The following SOSTDC1 variants were observed in gnomAD, a reference collection of about 807,000 sequenced individuals.
SOSTDC1 encodes sclerostin domain containing 1, also known as sclerostin domain-containing protein 1.
SOSTDC1 carries 7 observed loss-of-function variants against 15.1 expected under a neutral mutation model. That is an observed-to-expected ratio of 0.46 (90% confidence interval 0.26 to 0.87). The LOEUF (loss-of-function observed/expected upper bound fraction) is 0.87. SOSTDC1 is among the 40% of genes least tolerant of loss of function. The probability of loss-of-function intolerance (pLI) is 0.15; values close to 1 mark genes in which losing one functional copy is unlikely to be tolerated. For synonymous variants in SOSTDC1, 94 were observed against 93.2 expected, an observed-to-expected ratio of 1.01 and a Z score of -0.05; for missense variants, 242 against 259.2, an observed-to-expected ratio of 0.93 and a Z score of 0.46.
chr7:16,462,863 G>T lies in SOSTDC1; in HGVS notation c.306C>A (p.Gly102=), dbSNP rs774587219. The T allele has an allele frequency of 6.2e-7, 1 of 1,613,976 alleles. No homozygotes were observed. The highest frequency in any genetic ancestry group is 8.5e-7 in the Non-Finnish European group (1 of 1,180,028). ...GGAGCACTGGCAGGGGCAAGCACTC[G>T]CCAGCACACACCAGCTCCTTCAGAG... The part of the protein sequence containing the change: ...ISPLKELVCA[G]ECLPLPVLPN... Residue 102 remains glycine, a synonymous_variant, in exon 2 of 2, where the codon GGC becomes GGA. Coordinates refer to ENST00000307068, the MANE Select transcript of SOSTDC1 (RefSeq NM_015464.3).
Position 16,462,705 on chromosome 7 carries a change from T to C in SOSTDC1, c.464A>G (p.Tyr155Cys), listed in dbSNP as rs1562709993. The change falls in exon 2 of 2, where the codon TAC becomes TGC. Residue 155 changes from tyrosine (Y) to cysteine (C), a missense_variant. Tyr to Cys is a radical substitution (Grantham distance 194). Coordinates refer to ENST00000307068, the MANE Select transcript of SOSTDC1 (RefSeq NM_015464.3). ...LQCQDGSTRTYKITVVTACKC... is the reference protein window; with the variant it reads ...LQCQDGSTRTCKITVVTACKC... ...GCAGGCAGTGACTACTGTGATTTTGTAGGTGCGTGTGCTGCCATCTTGGCA... is the reference window on the plus strand; with the variant it reads ...GCAGGCAGTGACTACTGTGATTTTGCAGGTGCGTGTGCTGCCATCTTGGCA... 6.2e-7 allele frequency: 1 copy of C among 1,614,214 alleles called. No homozygotes were observed. The highest frequency in any genetic ancestry group is 8.5e-7 in the Non-Finnish European group (1 of 1,180,030).
intron 1 of SOSTDC1, 117 bp downstream of exon 1, chr7:16,465,347 A>G: frequency 2.3e-6 from 2 of 879,366 alleles, no homozygotes; most frequent in South Asian, 1.6e-5. Context: ...TTACTCCCAA[A>G]TTGTTTCACA....
chr7:16,462,967 C>A lies in SOSTDC1; in HGVS notation c.206-4G>T. 1 of 1,526,946 alleles carries A rather than the reference C, an allele frequency of 6.5e-7. No individual in the cohort carries two copies. Among genetic ancestry groups the A allele is most frequent in the South Asian group, 1.3e-5 (1 of 77,898 alleles). The allele number at this position is 1,526,946 out of a possible 1,614,324, so 94.6% of individuals were successfully genotyped here. The stretch of plus-strand genomic sequence containing the variant: ...CGGCAACCCACTTGAACCCGAGCTG[C>A]AGGAAACAAAAAAGAATGTGCATCA... On this transcript the variant is annotated splice_polypyrimidine_tract_variant and splice_region_variant and intron_variant, in intron 1 of 1. Coordinates refer to ENST00000307068, the MANE Select transcript of SOSTDC1 (RefSeq NM_015464.3).
intron 1 of SOSTDC1, among the ~76,000 whole-genome samples, chr7:16,464,809 C>T (rs1583610158): frequency 6.6e-6 from 1 of 152,068 alleles, no homozygotes; most frequent in Admixed American, 6.6e-5. Context: ...TCTTAAGTTA[C>T]AAAAATGTCC....
rs1781239962 is a variant in SOSTDC1 at position 16,463,136 on chromosome 7, A to C, written c.206-173T>G. Among the ~76,000 whole-genome samples the C allele has an allele frequency of 6.6e-5, 10 of 152,196 alleles. No homozygotes were observed. In the South Asian group the frequency reaches 2.1e-3, roughly 31 times the overall value. On this transcript the variant is annotated intron_variant, in intron 1 of 1. Coordinates refer to ENST00000307068, the MANE Select transcript of SOSTDC1 (RefSeq NM_015464.3). ...AAATCTGTCTGGATAGTATAGGGAC[A>C]CTTTCATGAAAATCATCAGTTTACA...
rs1336412693 is a variant in SOSTDC1 at position 16,462,798 on chromosome 7, C to G, written c.371G>C (p.Ser124Thr). The G allele has an allele frequency of 6.2e-7, 1 of 1,614,094 alleles. No individual in the cohort carries two copies. Among genetic ancestry groups the G allele is most frequent in the Non-Finnish European group, 8.5e-7 (1 of 1,180,042 alleles). The stretch of plus-strand genomic sequence containing the variant: ...CCGCCACTCCTGGGAGCTCCTCCTG[C>G]TCCAGTACTTTGTTCCATAGCCTCC... ...IGGGYGTKYW[S>T]RRSSQEWRCV... The change falls in exon 2 of 2, where the codon AGC (serine) becomes ACC (threonine). Residue 124 changes from serine (S) to threonine (T), a missense_variant. Transcript: ENST00000307068.
chr7:16,463,106 G>A, intron 1 of SOSTDC1, 143 bp from the exon 2 acceptor site: 1 of 804,332 alleles, frequency 1.2e-6, no homozygotes, highest in African/African-American at 1.7e-5. Context: ...TTTTCACAGT[G>A]AAAAAAATCT....
intron 1 of SOSTDC1, chr7:16,464,330 C>G (rs1781259974): frequency 6.5e-7 from 1 of 1,550,226 alleles, no homozygotes; most frequent in African/African-American, 1.4e-5. Flanking sequence ...CTGCAGCTGC[C>G]TCAGGAATGC....
intron 1 of SOSTDC1, 43 bp downstream of exon 1, chr7:16,465,421 C>T: frequency 6.7e-7 from 1 of 1,501,396 alleles, no homozygotes; most frequent in Non-Finnish European, 9.1e-7. Flanking sequence ...GCTAATGCTA[C>T]CAGAAAAGAA....
At chr7:16,463,181 A>G (rs1051975846) in intron 1 of SOSTDC1, among the ~76,000 whole-genome samples, 5 of 151,960 alleles carry the variant, frequency 3.3e-5, no homozygotes, top group Admixed American at 1.3e-4. Context: ...CTTTTTTGGG[A>G]AAAAAAATGT....
rs763901465 is a variant in SOSTDC1, at chr7:16,464,289, G to T, written c.205+1175C>A. On this transcript the variant is annotated intron_variant, in intron 1 of 1. Coordinates refer to ENST00000307068, the MANE Select transcript of SOSTDC1 (RefSeq NM_015464.3). Reference sequence around the variant, plus strand: ...ATTGTTTGGTTGGACAGTGTGCTCAGCGTGCCTGATTCTGCCTCCAGCTCA... The same window carrying T: ...ATTGTTTGGTTGGACAGTGTGCTCATCGTGCCTGATTCTGCCTCCAGCTCA... 9 of 1,499,394 alleles carry T rather than the reference G, an allele frequency of 6.0e-6. No homozygotes were observed. In the South Asian group the frequency reaches 8.4e-5, roughly 14 times the overall value. 92.9% of individuals were successfully genotyped at this position (1,499,394 alleles called of 1,614,324 possible).
chr7:16,462,304 T>C lies in SOSTDC1; in HGVS notation c.*244A>G. On this transcript the variant is annotated 3_prime_UTR_variant, in exon 2 of 2. Coordinates refer to ENST00000307068, the MANE Select transcript of SOSTDC1 (RefSeq NM_015464.3). ...TTTAAGAACAATGAGGAATTAAAAC[T>C]ACAGGATACGTGGAATTTAAATGCA... The C allele has an allele frequency of 4.2e-6, 2 of 478,884 alleles. No homozygotes were observed. Among genetic ancestry groups the C allele is most frequent in the Non-Finnish European group, 7.5e-6 (2 of 267,192 alleles). The allele number at this position is 478,884 out of a possible 1,614,324, so 29.7% of individuals were successfully genotyped here.
rs1781233289 is a variant in SOSTDC1, at chr7:16,462,775, G to A, written c.394C>T (p.Arg132Trp). ...GTACGGGTTTTGTCATTGACACACC[G>A]CCACTCCTGGGAGCTCCTCCTGCTC... ...YWSRRSSQEWRCVNDKTRTQR... is the reference protein window; with the variant it reads ...YWSRRSSQEWWCVNDKTRTQR... The change falls in exon 2 of 2, where the codon CGG becomes TGG. Residue 132 changes from arginine to tryptophan, a missense_variant. Coordinates refer to ENST00000307068, the MANE Select transcript of SOSTDC1 (RefSeq NM_015464.3). 3 of 1,614,008 alleles carry A rather than the reference G, an allele frequency of 1.9e-6. No individual in the cohort carries two copies. The highest frequency in any genetic ancestry group is 2.5e-6 in the Non-Finnish European group (3 of 1,180,000).
At position 16,465,675 on chromosome 7, in the gene SOSTDC1, T is replaced by C. The variant is rs1781292735; in HGVS notation, c.-7A>G. ...GAATGGCAGGAGGAAGCATGGTGAG[T>C]AGAGGATTTGCTTGACTGAAGAGCT... On this transcript the variant is annotated 5_prime_UTR_variant, in exon 1 of 2. Transcript: ENST00000307068. The C allele has an allele frequency of 1.2e-6, 2 of 1,612,662 alleles. No homozygotes were observed. The highest frequency in any genetic ancestry group is 1.3e-5 in the African/African-American group (1 of 74,824).
At chr7:16,463,547 T>C (rs1348399363) in intron 1 of SOSTDC1, among the ~76,000 whole-genome samples, 2 of 152,222 alleles carry the variant, frequency 1.3e-5, no homozygotes, top group South Asian at 2.1e-4. Flanking sequence ...ATTTTGCATA[T>C]CAAACTTAAT....
chr7:16,465,167 G>A (rs1214186120), intron 1 of SOSTDC1, among the ~76,000 whole-genome samples: 1 of 152,014 alleles, frequency 6.6e-6, no homozygotes, highest in Non-Finnish European at 1.5e-5. Context: ...TTTTTAAAAT[G>A]GTCATTTTGC....
Position 16,462,118 on chromosome 7 carries a change from G to A in SOSTDC1, c.*430C>T, listed in dbSNP as rs1444291822. ...AAGAGTACCAAAAAAGCACCTTTCT[G>A]AAATGTTACTGTGAAGATTCATGAC... On this transcript the variant is annotated 3_prime_UTR_variant, in exon 2 of 2. Coordinates refer to ENST00000307068, the MANE Select transcript of SOSTDC1 (RefSeq NM_015464.3). 1 of 162,560 alleles carries A rather than the reference G, an allele frequency of 6.2e-6. No homozygotes were observed. The highest frequency in any genetic ancestry group is 1.7e-4 in the East Asian group (1 of 5,866). 10.1% of individuals were successfully genotyped at this position (162,560 alleles called of 1,614,324 possible). A position where few individuals can be genotyped will look rare whatever the true frequency, so the allele number is the denominator to read the frequency against.
At chr7:16,464,591 G>A (rs550083270) in intron 1 of SOSTDC1, among the ~76,000 whole-genome samples, 8 of 152,166 alleles carry the variant, frequency 5.3e-5, no homozygotes, top group East Asian at 1.9e-4. Flanking sequence ...ACTACTTTTC[G>A]TAGTTGAATG....
rs1050699913 is a variant in SOSTDC1 at position 16,462,034 on chromosome 7, C to T, written c.*514G>A. On this transcript the variant is annotated 3_prime_UTR_variant, in exon 2 of 2. Transcript: ENST00000307068. The stretch of plus-strand genomic sequence containing the variant: ...GGCTTATTTTTGAAGTGAAATGTCA[C>T]AGGGTCTTTCATTCTCTTTCAAAGG... The T allele has an allele frequency of 6.5e-6, 1 of 154,184 alleles. No individual in the cohort carries two copies. Among genetic ancestry groups the T allele is most frequent in the Non-Finnish European group, 1.4e-5 (1 of 69,096 alleles). 9.6% of individuals were successfully genotyped at this position (154,184 alleles called of 1,614,324 possible).
Sources: gnomAD v4.1 joint callset for allele counts (sites outside exome capture counted in the v4.1 genomes callset) on GRCh38, gnomAD v4.1.1 for gene constraint, MANE v1.5 for transcripts, NCBI Gene and HGNC (gene_info 2026-07-23, HGNC 2026-07-21) for gene names.